THSD7B: variants seen among roughly 807,000 people sequenced by gnomAD.
THSD7B encodes the protein thrombospondin type 1 domain containing 7B, also known as thrombospondin type-1 domain-containing protein 7B.
In THSD7B, 138 loss-of-function variants were observed where a neutral mutation model predicts 213.6. That is an observed-to-expected ratio of 0.65 (90% CI 0.56 to 0.74). The LOEUF (loss-of-function observed/expected upper bound fraction) is 0.74, where lower values mean the gene tolerates loss of function less well. Among genes scored for constraint, THSD7B ranks in the 30% least tolerant of loss-of-function variants. The pLI is 0.00. For synonymous variants in THSD7B, 742 were observed against 687.0 expected (o/e 1.08, Z -1.25); for missense variants, 1,931 against 1,991.5 (o/e 0.97, Z 0.58).
chr2:137,481,369 C>G (rs1688303321), intron 15 of THSD7B, among the ~76,000 whole-genome samples: 1 of 152,106 alleles, frequency 6.6e-6, no homozygotes, highest in Non-Finnish European at 1.5e-5. Context: ...ATATCTATGA[C>G]AGTTGTAAAA....
chr2:136,809,199 G>A (rs1041287759), intron 1 of THSD7B, among the ~76,000 whole-genome samples: 6 of 152,146 alleles, frequency 3.9e-5, no homozygotes, highest in Admixed American at 2.0e-4. Context: ...TGGAGAACAC[G>A]AGTTGGCAGG....
chr2:137,384,906 A>G (rs80285751), intron 12 of THSD7B, among the ~76,000 whole-genome samples: 1,659 of 152,198 alleles, frequency 0.011, 19 homozygotes, highest in Non-Finnish European at 0.019. Context: ...GTTCACCCCA[A>G]CAGGTGCCGA....
At chr2:137,609,799 A>G (rs1460312564) in intron 17 of THSD7B, among the ~76,000 whole-genome samples, 1 of 152,110 alleles carries the variant, frequency 6.6e-6, no homozygotes, top group African/African-American at 2.4e-5. Flanking sequence ...GGAAGATTGG[A>G]GTCACTTATT....
At chr2:136,791,737 T>C (rs2104914405) in intron 1 of THSD7B, among the ~76,000 whole-genome samples, 1 of 152,246 alleles carries the variant, frequency 6.6e-6, no homozygotes, top group Non-Finnish European at 1.5e-5. Flanking sequence ...TCTTTCTTTT[T>C]ATTGTCTACT....
At chr2:136,785,583 T>C (rs1054190825) in intron 1 of THSD7B, among the ~76,000 whole-genome samples, 1 of 152,222 alleles carries the variant, frequency 6.6e-6, no homozygotes, top group African/African-American at 2.4e-5. Context: ...ATGTCTGCTC[T>C]GTTTCAAACA....
chr2:137,406,030 A>G (rs763148185), intron 13 of THSD7B, among the ~76,000 whole-genome samples: 1 of 152,192 alleles, frequency 6.6e-6, no homozygotes, highest in Non-Finnish European at 1.5e-5. Context: ...ATAGCTATCA[A>G]GTTCCTCTCT....
At chr2:136,987,390 AGAG>A (rs906780911) in intron 2 of THSD7B, among the ~76,000 whole-genome samples, 18 of 152,334 alleles carry the variant, frequency 1.2e-4, no homozygotes, top group African/African-American at 4.1e-4. Context: ...TAAAAAATAT[AGAG>A]AAGAGAATGA....
chr2:137,038,171 G>A lies in THSD7B; in HGVS notation c.140-18249G>A, dbSNP rs1309481727. Among the ~76,000 whole-genome samples, 4 of 152,326 alleles carry A rather than the reference G, an allele frequency of 2.6e-5. No individual in the cohort carries two copies. In the East Asian group the frequency reaches 7.7e-4, roughly 29 times the overall value. On this transcript the variant is annotated intron_variant, in intron 2 of 27. Coordinates refer to ENST00000409968, the MANE Select transcript of THSD7B (RefSeq NM_001316349.2). ...ACTTAAGGGCTGTATGTCCCTGAAA[G>A]TTGTTGTATGTTCCTTTTACAAGAA...
chr2:137,119,462 C>G (rs1457403495), intron 5 of THSD7B, among the ~76,000 whole-genome samples: 1 of 152,052 alleles, frequency 6.6e-6, no homozygotes, highest in African/African-American at 2.4e-5. Flanking sequence ...TTATTGATGC[C>G]CAAGAGTAAT....
At chr2:137,472,740 G>A (rs759955442) in intron 15 of THSD7B, among the ~76,000 whole-genome samples, 1 of 152,080 alleles carries the variant, frequency 6.6e-6, no homozygotes, top group African/African-American at 2.4e-5. Context: ...ACAAATGATT[G>A]GTTTTGAGAG....
At chr2:136,965,071 T>G (rs560242874) in intron 2 of THSD7B, among the ~76,000 whole-genome samples, 36 of 151,958 alleles carry the variant, frequency 2.4e-4, no homozygotes, top group African/African-American at 8.7e-4. Context: ...CATTATCCAT[T>G]AACACTTTTA....
chr2:137,070,110 G>A (rs1687452240), intron 3 of THSD7B, among the ~76,000 whole-genome samples: 1 of 151,788 alleles, frequency 6.6e-6, no homozygotes, highest in South Asian at 2.1e-4. Flanking sequence ...GTCCTCTACT[G>A]CTTGCAGATA....
At chr2:136,856,349 C>T (rs1272994424) in intron 1 of THSD7B, among the ~76,000 whole-genome samples, 1 of 152,128 alleles carries the variant, frequency 6.6e-6, no homozygotes, top group East Asian at 1.9e-4. Flanking sequence ...GAGGCCAGTG[C>T]TTGTTTGTTA....
At chr2:136,824,734 G>A (rs978129501) in intron 1 of THSD7B, among the ~76,000 whole-genome samples, 1 of 152,162 alleles carries the variant, frequency 6.6e-6, no homozygotes, top group South Asian at 2.1e-4. Flanking sequence ...GATGAGATCA[G>A]AATCAACTGT....
chr2:137,579,096 T>C (rs1681522565), intron 17 of THSD7B, among the ~76,000 whole-genome samples: 1 of 152,174 alleles, frequency 6.6e-6, no homozygotes, highest in African/African-American at 2.4e-5. Context: ...GAAAACATAT[T>C]CTAGAGGGTC....
intron 2 of THSD7B, among the ~76,000 whole-genome samples, chr2:137,013,858 C>G (rs1686284699): frequency 6.6e-6 from 1 of 152,148 alleles, no homozygotes; most frequent in African/African-American, 2.4e-5. Context: ...AGGAGTCAGT[C>G]CCTTCGAGTA....
intron 14 of THSD7B, among the ~76,000 whole-genome samples, chr2:137,417,389 T>G (rs1686821746): frequency 6.6e-6 from 1 of 151,290 alleles, no homozygotes; most frequent in Non-Finnish European, 1.5e-5. Context: ...TTAAAAGAGC[T>G]TTTTTTTTCT....
Position 137,252,911 on chromosome 2 carries a change from CTTTTTTTT to C in THSD7B, c.2266+10357_2266+10364del, listed in dbSNP as rs754932566. Among the ~76,000 whole-genome samples, 65 of 80,676 alleles carry C rather than the reference CTTTTTTTT, an allele frequency of 8.1e-4. 1 individual carries two copies. The highest frequency in any genetic ancestry group is 3.0e-3 in the African/African-American group (64 of 21,164). 52.9% of individuals were successfully genotyped at this position (80,676 alleles called of 152,430 possible). On this transcript the variant is annotated intron_variant, in intron 10 of 27. Transcript: ENST00000409968. ...GCATGTTTCCAATAGAAAAGGCTTG[CTTTTTTTT>C]TTTTTTTTTTTTTTTTTACTTCACA... is the stretch of plus-strand genomic sequence containing the variant.
chr2:136,862,201 G>C (rs1029213119), intron 1 of THSD7B, among the ~76,000 whole-genome samples: 1 of 152,162 alleles, frequency 6.6e-6, no homozygotes, highest in Non-Finnish European at 1.5e-5. Flanking sequence ...AGGATCAGTA[G>C]AGTCCATCTT....
Sources: allele counts gnomAD v4.1 joint callset (sites outside exome capture counted in the v4.1 genomes callset), GRCh38; gene constraint gnomAD v4.1.1; transcripts MANE v1.5; gene names NCBI Gene and HGNC (gene_info 2026-07-23, HGNC 2026-07-21).